The following LAMA2 variants were observed in gnomAD, a reference collection of about 807,000 sequenced individuals.
LAMA2 encodes laminin subunit alpha 2.
In LAMA2, 269 loss-of-function variants were observed where a neutral mutation model predicts 364.8. That is an observed-to-expected ratio of 0.74 (90% CI 0.67 to 0.82). The LOEUF (loss-of-function observed/expected upper bound fraction) is 0.82. Among genes scored for constraint, LAMA2 ranks in the 40% least tolerant of loss-of-function variants. The pLI, the probability that LAMA2 is intolerant of heterozygous loss-of-function variation, is 0.00. For synonymous variants in LAMA2, 1,379 were observed against 1,370.6 expected (o/e 1.01, Z -0.14); for missense variants, 3,807 against 3,873.2 (o/e 0.98, Z 0.45).
intron 1 of LAMA2, among the ~76,000 whole-genome samples, chr6:129,028,364 A>G (rs1212024179): frequency 6.6e-6 from 1 of 151,788 alleles, no homozygotes; most frequent in East Asian, 1.9e-4. Context: ...GCATTACATT[A>G]GGCAGATATA....
chr6:128,994,937 C>G (rs543246847), intron 1 of LAMA2, among the ~76,000 whole-genome samples: 22 of 151,940 alleles, frequency 1.4e-4, no homozygotes, highest in African/African-American at 5.3e-4. Flanking sequence ...TAAAGAAATC[C>G]CATGATTCCC....
At chr6:129,022,430 A>G (rs1385228487) in intron 1 of LAMA2, among the ~76,000 whole-genome samples, 7 of 151,952 alleles carry the variant, frequency 4.6e-5, no homozygotes, top group Non-Finnish European at 1.0e-4. Context: ...CACACTAACC[A>G]CTCATTTACT....
chr6:129,303,983 A>G (rs749678864), intron 22 of LAMA2, among the ~76,000 whole-genome samples: 3 of 152,180 alleles, frequency 2.0e-5, no homozygotes, highest in Admixed American at 2.0e-4. Context: ...GAGGTAGAAA[A>G]CAGAAATACT....
intron 1 of LAMA2, among the ~76,000 whole-genome samples, chr6:128,904,323 GTT>G: frequency 6.6e-6 from 1 of 151,708 alleles, no homozygotes. Context: ...CTTAACACCA[GTT>G]TTAATAAGCA....
chr6:128,959,564 G>C (rs1200708628), intron 1 of LAMA2, among the ~76,000 whole-genome samples: 2 of 152,044 alleles, frequency 1.3e-5, no homozygotes, highest in Non-Finnish European at 2.9e-5. Flanking sequence ...CTTTGCACTG[G>C]CTGGTCTTCT....
chr6:129,507,502 T>C lies in LAMA2; in HGVS notation c.8717T>C (p.Ile2906Thr), dbSNP rs769052659. Residue 2906 changes from isoleucine to threonine, a missense_variant, in exon 62 of 65, where the codon ATT becomes ACT. Physicochemically the swap from Ile to Thr is moderately conservative, Grantham distance 89 (BLOSUM62 -1). Transcript: ENST00000421865. ...CTGAATGTTTAGGTGACCTATAGCA[T>C]TGATGGCTGCGTCAGGAATCTCCAC... is the stretch of plus-strand genomic sequence containing the variant. ...TRRIGPVTYS[I>T]DGCVRNLHMA... The C allele has an allele frequency of 6.2e-7, 1 of 1,614,188 alleles. No homozygotes were observed. Among genetic ancestry groups the C allele is most frequent in the South Asian group, 1.1e-5 (1 of 91,088 alleles).
chr6:129,243,968 A>C (rs1040707254), intron 12 of LAMA2, among the ~76,000 whole-genome samples: 1 of 152,022 alleles, frequency 6.6e-6, no homozygotes, highest in Non-Finnish European at 1.5e-5. Flanking sequence ...AGGAAAAAAA[A>C]GGTGGAAGAG....
At chr6:129,478,576 T>TTTGA in intron 53 of LAMA2, 117 bp from the exon 54 acceptor site, 3 of 1,069,302 alleles carry the variant, frequency 2.8e-6, no homozygotes, top group East Asian at 4.9e-5. Context: ...GTGTGCACAG[T>TTTGA]TTGATAGACA....
chr6:129,073,097 G>A (rs1196960863), intron 3 of LAMA2, among the ~76,000 whole-genome samples: 1 of 151,788 alleles, frequency 6.6e-6, no homozygotes, highest in African/African-American at 2.4e-5. Context: ...CTTTACTTTT[G>A]AGACTTATTT....
chr6:129,410,713 A>AC (rs1562539014), intron 40 of LAMA2, among the ~76,000 whole-genome samples: 1 of 107,022 alleles, frequency 9.3e-6, no homozygotes, highest in Non-Finnish European at 1.9e-5. Flanking sequence ...TGATAGACAG[A>AC]TTAGATAGAT....
At chr6:128,912,305 T>A (rs2114460936) in intron 1 of LAMA2, among the ~76,000 whole-genome samples, 1 of 149,580 alleles carries the variant, frequency 6.7e-6, no homozygotes, top group Admixed American at 6.6e-5. Context: ...TTTTGGATAA[T>A]GAATGATACC....
chr6:129,509,608 A>C (rs2114919563), intron 62 of LAMA2, among the ~76,000 whole-genome samples: 1 of 152,168 alleles, frequency 6.6e-6, no homozygotes, highest in South Asian at 2.1e-4. Context: ...TATTGAAGAG[A>C]CTGTCCTTTC....
Position 129,391,666 on chromosome 6 carries a change from G to A in LAMA2, c.5234+13G>A. On this transcript the variant is annotated intron_variant, in intron 36 of 64. Coordinates refer to ENST00000421865, the MANE Select transcript of LAMA2 (RefSeq NM_000426.4). ...AAGATGAGTTGGTGTGAGTAGATGAGTTATTATTTTTTCTTTTGACAAACT... is the reference window on the plus strand; with the variant it reads ...AAGATGAGTTGGTGTGAGTAGATGAATTATTATTTTTTCTTTTGACAAACT... The A allele has an allele frequency of 1.2e-6, 2 of 1,608,902 alleles. No individual in the cohort carries two copies. Among genetic ancestry groups the A allele is most frequent in the African/African-American group, 1.3e-5 (1 of 74,886 alleles).
intron 14 of LAMA2, among the ~76,000 whole-genome samples, chr6:129,258,519 A>G (rs1428635484): frequency 6.6e-6 from 1 of 151,220 alleles, no homozygotes; most frequent in Non-Finnish European, 1.5e-5. Context: ...GAAGAGGGGA[A>G]AAGAGAATGA....
chr6:128,963,249 G>A (rs1017394604), intron 1 of LAMA2, among the ~76,000 whole-genome samples: 1 of 152,074 alleles, frequency 6.6e-6, no homozygotes, highest in Non-Finnish European at 1.5e-5. Context: ...TTGATACTAA[G>A]TTGTTCACAA....
intron 1 of LAMA2, among the ~76,000 whole-genome samples, chr6:128,953,184 A>T (rs1780938466): frequency 6.6e-6 from 1 of 152,190 alleles, no homozygotes; most frequent in South Asian, 2.1e-4. Context: ...CTAGCAAATG[A>T]CAACTGGAAT....
intron 37 of LAMA2, among the ~76,000 whole-genome samples, chr6:129,398,976 G>A (rs769369094): frequency 1.3e-4 from 20 of 152,112 alleles, no homozygotes; most frequent in Non-Finnish European, 2.4e-4. Flanking sequence ...TGTAATAAAT[G>A]GTATGTTGCA....
At chr6:129,301,525 C>G (rs1445450287) in intron 22 of LAMA2, among the ~76,000 whole-genome samples, 2 of 152,004 alleles carry the variant, frequency 1.3e-5, no homozygotes, top group Admixed American at 6.6e-5. Context: ...GCTGATACAG[C>G]CTGGTGAATT....
intron 12 of LAMA2, among the ~76,000 whole-genome samples, chr6:129,223,259 T>C (rs1784003725): frequency 6.6e-6 from 1 of 152,126 alleles, no homozygotes; most frequent in African/African-American, 2.4e-5. Context: ...GTCAGATGAG[T>C]AGATTGCAAA....
Sources: gnomAD v4.1 joint callset for allele counts (sites outside exome capture counted in the v4.1 genomes callset) on GRCh38, gnomAD v4.1.1 for gene constraint, MANE v1.5 for transcripts, NCBI Gene and HGNC (gene_info 2026-07-23, HGNC 2026-07-21) for gene names.